DCLK1: variants seen among roughly 807,000 people sequenced by gnomAD.
DCLK1 encodes serine/threonine-protein kinase DCLK1.
In DCLK1, 16 loss-of-function variants were observed where a neutral mutation model predicts 86.2. The observed-to-expected ratio is 0.19, with a 90% CI of 0.13 to 0.28. The LOEUF (loss-of-function observed/expected upper bound fraction) is 0.28. Ranked by LOEUF, DCLK1 falls within the 10% of genes least tolerant of loss-of-function variation. The pLI is 1.00. For missense variants in DCLK1, 590 were observed against 940.2 expected, an observed-to-expected ratio of 0.63 and a Z score of 4.87; for synonymous variants, 369 against 370.5, an observed-to-expected ratio of 1.00 and a Z score of 0.05.
intron 15 of DCLK1, among the ~76,000 whole-genome samples, chr13:35,796,797 T>G (rs886545484): frequency 2.0e-5 from 3 of 152,156 alleles, no homozygotes; most frequent in African/African-American, 7.2e-5. Flanking sequence ...GCTGCTTAAC[T>G]GATAAATGGA....
At chr13:35,871,419 G>A in intron 4 of DCLK1, 79 bp from the exon 5 acceptor site, 1 of 1,188,660 alleles carries the variant, frequency 8.4e-7, no homozygotes, top group Non-Finnish European at 1.2e-6. Flanking sequence ...AATAAACCTG[G>A]AAGTAGAAAT....
At chr13:36,045,377 T>TCTATCTATATATAC (rs568110221) in intron 3 of DCLK1, among the ~76,000 whole-genome samples, 123 of 125,060 alleles carry the variant, frequency 9.8e-4, no homozygotes, top group African/African-American at 2.8e-3. Flanking sequence ...TATATATATA[T>TCTATCTATATATAC]TTCAAGGTAA....
At chr13:35,822,110 C>T (rs1394958304) in intron 11 of DCLK1, among the ~76,000 whole-genome samples, 2 of 150,048 alleles carry the variant, frequency 1.3e-5, no homozygotes, top group African/African-American at 2.5e-5. Context: ...CTTTTTTTTT[C>T]CCCAAGTAAA....
intron 3 of DCLK1, among the ~76,000 whole-genome samples, chr13:35,973,831 G>A (rs1015378901): frequency 2.6e-5 from 4 of 152,136 alleles, no homozygotes; most frequent in Non-Finnish European, 5.9e-5. Context: ...AGCAGGGGCT[G>A]GCTCATGGTC....
chr13:35,853,184 A>G (rs1188373983), intron 6 of DCLK1, among the ~76,000 whole-genome samples: 1 of 152,228 alleles, frequency 6.6e-6, no homozygotes, highest in Admixed American at 6.5e-5. Context: ...TCCAAATTAG[A>G]CTGTGGCCAA....
chr13:35,802,165 T>A (rs76700190), intron 15 of DCLK1, among the ~76,000 whole-genome samples: 1 of 151,960 alleles, frequency 6.6e-6, no homozygotes, highest in African/African-American at 2.4e-5. Context: ...AATCTCTACA[T>A]ATAATTTTTC....
chr13:36,095,539 G>A (rs759183279), intron 3 of DCLK1, among the ~76,000 whole-genome samples: 2 of 151,964 alleles, frequency 1.3e-5, no homozygotes, highest in Non-Finnish European at 2.9e-5. Flanking sequence ...ACTCCCAAAT[G>A]TTTCCAAAAA....
chr13:35,774,482 A>G lies in DCLK1; in HGVS notation c.*53T>C. The G allele has an allele frequency of 1.3e-6, 2 of 1,540,686 alleles. No homozygotes were observed. The highest frequency in any genetic ancestry group is 1.8e-6 in the Non-Finnish European group (2 of 1,140,498). On this transcript the variant is annotated 3_prime_UTR_variant, in exon 17 of 17. Coordinates refer to ENST00000360631, the MANE Select transcript of DCLK1 (RefSeq NM_001330071.2). ...CTGTTTTACACAAATTTGGGGGAAA[A>G]AAATCTCAGAGTCTCAAAGGGTTAA... is the stretch of plus-strand genomic sequence containing the variant.
At chr13:35,791,395 T>C (rs2086704913) in intron 16 of DCLK1, among the ~76,000 whole-genome samples, 2 of 152,044 alleles carry the variant, frequency 1.3e-5, no homozygotes, top group African/African-American at 4.8e-5. Context: ...GCAGTTTCCA[T>C]GGAAACCGTG....
chr13:35,955,421 G>A lies in DCLK1; in HGVS notation c.724-7964C>T, dbSNP rs142619845. Among the ~76,000 whole-genome samples the A allele has an allele frequency of 1.0e-3, 155 of 152,090 alleles. 1 individual carries two copies. Among genetic ancestry groups the A allele is most frequent in the African/African-American group, 3.4e-3 (140 of 41,476 alleles). Reference sequence around the variant, plus strand: ...AGCCTCACGAGGTAGAAGGGACAAGGGACCTCTCTGGGGCCTCTAATAATA... The same window carrying A: ...AGCCTCACGAGGTAGAAGGGACAAGAGACCTCTCTGGGGCCTCTAATAATA... On this transcript the variant is annotated intron_variant, in intron 3 of 16. Transcript: ENST00000360631.
At chr13:36,006,278 C>T (rs546592076) in intron 3 of DCLK1, among the ~76,000 whole-genome samples, 17 of 152,236 alleles carry the variant, frequency 1.1e-4, no homozygotes, top group Non-Finnish European at 2.4e-4. Flanking sequence ...TCCAGGCAGC[C>T]GTACCAAGGA....
chr13:35,844,897 A>C (rs1461152065), intron 6 of DCLK1, among the ~76,000 whole-genome samples: 2 of 152,232 alleles, frequency 1.3e-5, no homozygotes, highest in Non-Finnish European at 2.9e-5. Flanking sequence ...AAGTAAAACT[A>C]GTAAAAATGT....
chr13:36,119,681 A>G (rs1885912378), intron 2 of DCLK1, among the ~76,000 whole-genome samples: 1 of 152,182 alleles, frequency 6.6e-6, no homozygotes, highest in African/African-American at 2.4e-5. Context: ...GGGACATTCT[A>G]CAAGATAACT....
intron 15 of DCLK1, among the ~76,000 whole-genome samples, chr13:35,801,963 G>A (rs968921801): frequency 2.0e-5 from 3 of 152,096 alleles, no homozygotes; most frequent in Non-Finnish European, 4.4e-5. Flanking sequence ...GGAACTGACT[G>A]TCAGATATCT....
At chr13:35,980,652 G>A (rs1285187951) in intron 3 of DCLK1, among the ~76,000 whole-genome samples, 1 of 152,068 alleles carries the variant, frequency 6.6e-6, no homozygotes, top group Non-Finnish European at 1.5e-5. Context: ...TTCCATGGAC[G>A]TGGGCTGGGT....
chr13:35,942,887 T>C (rs1223539175), intron 4 of DCLK1, among the ~76,000 whole-genome samples: 1 of 152,198 alleles, frequency 6.6e-6, no homozygotes, highest in East Asian at 1.9e-4. Context: ...CTAACAAATA[T>C]AATGCTATAA....
At chr13:35,829,951 A>C (rs1430791593) in intron 8 of DCLK1, among the ~76,000 whole-genome samples, 1 of 152,218 alleles carries the variant, frequency 6.6e-6, no homozygotes, top group Non-Finnish European at 1.5e-5. Flanking sequence ...CAGAGAGGCC[A>C]TGATGGGATG....
At chr13:35,915,860 T>C (rs1326391946) in intron 4 of DCLK1, among the ~76,000 whole-genome samples, 1 of 152,214 alleles carries the variant, frequency 6.6e-6, no homozygotes, top group Non-Finnish European at 1.5e-5. Flanking sequence ...CTAACCTGTG[T>C]AGGCTGCCAC....
chr13:35,829,942 A>G (rs1368449462), intron 8 of DCLK1, among the ~76,000 whole-genome samples: 1 of 152,230 alleles, frequency 6.6e-6, no homozygotes, highest in East Asian at 1.9e-4. Context: ...ATGGCTGGGC[A>G]GAGAGGCCAT....
Sources: gnomAD v4.1 joint callset for allele counts (sites outside exome capture counted in the v4.1 genomes callset) on GRCh38, gnomAD v4.1.1 for gene constraint, MANE v1.5 for transcripts, NCBI Gene and HGNC (gene_info 2026-07-23, HGNC 2026-07-21) for gene names.